The following EXOC6B variants were observed in gnomAD, a reference collection of about 807,000 sequenced individuals.
EXOC6B encodes the protein exocyst complex component 6B, also known as SEC15 homolog B.
EXOC6B carries 54 observed loss-of-function variants against 113.5 expected under a neutral mutation model. The observed-to-expected ratio is 0.48, with a 90% confidence interval of 0.38 to 0.60. EXOC6B has a LOEUF of 0.60. Ranked by LOEUF, EXOC6B falls within the 20% of genes least tolerant of loss-of-function variation. EXOC6B has a pLI of 0.00. For synonymous variants in EXOC6B, 357 were observed against 339.0 expected (o/e 1.05, Z -0.58); for missense variants, 797 against 977.5 (o/e 0.82, Z 2.46).
chr2:72,686,845 A>G (rs1677122420), intron 6 of EXOC6B, among the ~76,000 whole-genome samples: 1 of 152,164 alleles, frequency 6.6e-6, no homozygotes, highest in Non-Finnish European at 1.5e-5. Flanking sequence ...TAAAAATCAT[A>G]AAACCTTCGC....
intron 20 of EXOC6B, among the ~76,000 whole-genome samples, chr2:72,187,330 G>C (rs1421643559): frequency 1.3e-5 from 2 of 151,966 alleles, no homozygotes; most frequent in East Asian, 2.0e-4. Context: ...CAAGCAGGGG[G>C]CATATTTCAG....
chr2:72,187,578 G>C (rs535390691), intron 20 of EXOC6B, among the ~76,000 whole-genome samples: 26 of 152,118 alleles, frequency 1.7e-4, no homozygotes, highest in African/African-American at 5.6e-4. Context: ...CTGCAGGCAG[G>C]TTGTCTCGAT....
chr2:72,305,133 A>G (rs1686756806), intron 20 of EXOC6B, among the ~76,000 whole-genome samples: 1 of 152,186 alleles, frequency 6.6e-6, no homozygotes, highest in Non-Finnish European at 1.5e-5. Flanking sequence ...CAAGTGCATG[A>G]GGTAGCTATT....
intron 20 of EXOC6B, among the ~76,000 whole-genome samples, chr2:72,244,385 T>G (rs1682524659): frequency 6.6e-6 from 1 of 152,180 alleles, no homozygotes; most frequent in Non-Finnish European, 1.5e-5. Flanking sequence ...TCATTAAAAT[T>G]TGTGGATGCA....
Position 72,678,478 on chromosome 2 carries a change from GA to G in EXOC6B, c.669+39624del, listed in dbSNP as rs367723944. ...TCCCAACACTTTAGGAAGCCAAGGT[GA>G]GCGGATCACTTGAGGCCAGGAGTTG... is the stretch of plus-strand genomic sequence containing the variant. On this transcript the variant is annotated intron_variant, in intron 6 of 21. Transcript: ENST00000272427. Among the ~76,000 whole-genome samples, 23 of 152,312 alleles carry G rather than the reference GA, an allele frequency of 1.5e-4. 2 individuals are homozygous for G. Among genetic ancestry groups the G allele is most frequent in the African/African-American group, 4.6e-4 (19 of 41,568 alleles).
intron 2 of EXOC6B, among the ~76,000 whole-genome samples, chr2:72,738,304 G>C (rs1002342638): frequency 4.6e-5 from 7 of 152,086 alleles, no homozygotes; most frequent in African/African-American, 1.7e-4. Context: ...TGAGTGACTA[G>C]AACTACCAAC....
rs150181541 is a variant in EXOC6B at position 72,564,425 on chromosome 2, G to A, written c.847-4904C>T. 1.6e-3 allele frequency among the ~76,000 whole-genome samples: 247 copies of A among 152,224 alleles called. 1 individual carries two copies. The highest frequency in any genetic ancestry group is 5.8e-3 in the African/African-American group (240 of 41,540). ...TATTTGAGTACAAAATAGTTTCTCC[G>A]TATCGGTAAATGAATGCAGGGACTT... On this transcript the variant is annotated intron_variant, in intron 7 of 21. Coordinates refer to ENST00000272427, the MANE Select transcript of EXOC6B (RefSeq NM_015189.3).
At chr2:72,347,109 T>C (rs920302471) in intron 19 of EXOC6B, among the ~76,000 whole-genome samples, 1 of 152,168 alleles carries the variant, frequency 6.6e-6, no homozygotes, top group Non-Finnish European at 1.5e-5. Context: ...TTAAAATACA[T>C]AGATCTATGT....
intron 2 of EXOC6B, among the ~76,000 whole-genome samples, chr2:72,737,367 T>C (rs1302267866): frequency 1.3e-5 from 2 of 151,708 alleles, no homozygotes; most frequent in Non-Finnish European, 2.9e-5. Flanking sequence ...AAAAAAAAAG[T>C]TCTTTAATAT....
chr2:72,177,423 C>T lies in EXOC6B; in HGVS notation c.*1912G>A, dbSNP rs1469156041. 2 of 152,238 alleles carry T rather than the reference C, an allele frequency of 1.3e-5. No individual in the cohort carries two copies. Among genetic ancestry groups the T allele is most frequent in the Non-Finnish European group, 2.9e-5 (2 of 68,034 alleles). 9.4% of individuals were successfully genotyped at this position (152,238 alleles called of 1,614,324 possible). A position where few individuals can be genotyped will look rare whatever the true frequency, so the allele number is the denominator to read the frequency against. On this transcript the variant is annotated 3_prime_UTR_variant, in exon 22 of 22. Transcript: ENST00000272427. ...TTTGAACTCTTCTCAAGCAATAGAA[C>T]TTCAGATTAATATAATCGTTTCTCA...
chr2:72,575,724 G>A, intron 6 of EXOC6B, 56 bp from the exon 7 acceptor site: 2 of 1,361,350 alleles, frequency 1.5e-6, no homozygotes, highest in Non-Finnish European at 9.6e-7. Context: ...TAGGGAGAGA[G>A]AAAGAAAGAA....
intron 6 of EXOC6B, among the ~76,000 whole-genome samples, chr2:72,632,252 T>G (rs1043969311): frequency 5.9e-5 from 9 of 152,102 alleles, no homozygotes; most frequent in Non-Finnish European, 1.0e-4. Flanking sequence ...AATGCAAAAT[T>G]TTAAAAACCT....
chr2:72,232,306 G>A (rs1292005737), intron 20 of EXOC6B, among the ~76,000 whole-genome samples: 3 of 152,062 alleles, frequency 2.0e-5, no homozygotes, highest in African/African-American at 7.2e-5. Context: ...TTTAAAAACT[G>A]AGAATATTTA....
At chr2:72,266,915 C>A (rs528274601) in intron 20 of EXOC6B, among the ~76,000 whole-genome samples, 4 of 152,124 alleles carry the variant, frequency 2.6e-5, no homozygotes, top group Admixed American at 6.6e-5. Context: ...ATTTGTTTGT[C>A]TCCTCTTTTA....
chr2:72,728,359 C>T (rs753282608), intron 5 of EXOC6B, among the ~76,000 whole-genome samples: 37 of 152,112 alleles, frequency 2.4e-4, no homozygotes, highest in Non-Finnish European at 5.1e-4. Flanking sequence ...TGCATAGCAA[C>T]ATCTAAAAAA....
intron 20 of EXOC6B, among the ~76,000 whole-genome samples, chr2:72,222,542 G>GTTAAAA: frequency 6.6e-6 from 1 of 152,080 alleles, no homozygotes; most frequent in Non-Finnish European, 1.5e-5. Context: ...AAATGCCCTG[G>GTTAAAA]ACTAGAAGCT....
intron 18 of EXOC6B, among the ~76,000 whole-genome samples, chr2:72,382,496 G>A (rs1457430710): frequency 1.3e-5 from 2 of 152,090 alleles, no homozygotes; most frequent in Non-Finnish European, 1.5e-5. Context: ...TTTTGCTTAG[G>A]ATTGCCTTGG....
intron 20 of EXOC6B, among the ~76,000 whole-genome samples, chr2:72,233,819 C>A (rs561902875): frequency 1.5e-4 from 23 of 152,294 alleles, no homozygotes; most frequent in African/African-American, 5.0e-4. Context: ...CCAAGAAGCA[C>A]CCTACGGCAG....
intron 20 of EXOC6B, among the ~76,000 whole-genome samples, chr2:72,237,384 T>C (rs1682030349): frequency 6.6e-6 from 1 of 152,028 alleles, no homozygotes; most frequent in Admixed American, 6.6e-5. Context: ...AGGTTGAAAA[T>C]AAGTATGCAA....
Sources: allele counts gnomAD v4.1 joint callset (sites outside exome capture counted in the v4.1 genomes callset), GRCh38; gene constraint gnomAD v4.1.1; transcripts MANE v1.5; gene names NCBI Gene and HGNC (gene_info 2026-07-23, HGNC 2026-07-21).